Variants in TEC observed in about 807,000 individuals in gnomAD.
TEC encodes the protein tyrosine-protein kinase Tec.
In TEC, 72 loss-of-function variants were observed where a neutral mutation model predicts 93.0. That is an observed-to-expected ratio of 0.77 (90% CI 0.64 to 0.94). The LOEUF (loss-of-function observed/expected upper bound fraction) is 0.94. Among genes scored for constraint, TEC ranks in the 40% least tolerant of loss-of-function variants. The pLI is 0.00. For synonymous variants in TEC, 249 were observed against 247.7 expected (o/e 1.01, Z -0.05); for missense variants, 630 against 757.9 (o/e 0.83, Z 1.98).
intron 1 of TEC, among the ~76,000 whole-genome samples, chr4:48,231,210 G>T (rs2664020): frequency 6.6e-6 from 1 of 151,834 alleles, no homozygotes; most frequent in South Asian, 2.1e-4. Context: ...CTTTATCCCA[G>T]TCCCAGTGTC....
chr4:48,170,807 T>C (rs1452288153), intron 4 of TEC, among the ~76,000 whole-genome samples: 2 of 152,114 alleles, frequency 1.3e-5, no homozygotes, highest in Non-Finnish European at 2.9e-5. Context: ...TCCCAACACT[T>C]TGGGAGGCCG....
chr4:48,238,914 A>G (rs2109653736), intron 1 of TEC, among the ~76,000 whole-genome samples: 1 of 152,232 alleles, frequency 6.6e-6, no homozygotes. Flanking sequence ...GCATCCCAGC[A>G]TTACTCTGAA....
intron 2 of TEC, among the ~76,000 whole-genome samples, chr4:48,178,448 A>G (rs952135442): frequency 6.6e-6 from 1 of 152,210 alleles, no homozygotes; most frequent in East Asian, 1.9e-4. Context: ...AACACATGTT[A>G]TCTCATTCTG....
chr4:48,156,115 C>T (rs1041743645), intron 9 of TEC, among the ~76,000 whole-genome samples: 1 of 152,146 alleles, frequency 6.6e-6, no homozygotes, highest in African/African-American at 2.4e-5. Context: ...ACAATAACCA[C>T]ACTGGTTATT....
intron 8 of TEC, among the ~76,000 whole-genome samples, chr4:48,157,960 G>C (rs1720470486): frequency 6.6e-6 from 1 of 152,208 alleles, no homozygotes; most frequent in African/African-American, 2.4e-5. Flanking sequence ...TAAGAACATA[G>C]ACAATTTTCT....
intron 1 of TEC, among the ~76,000 whole-genome samples, chr4:48,234,892 A>G (rs1207625658): frequency 6.6e-6 from 1 of 152,200 alleles, no homozygotes; most frequent in Non-Finnish European, 1.5e-5. Context: ...AAGAAGTAGC[A>G]ATGTAAAGCA....
chr4:48,244,484 A>T (rs919276346), intron 1 of TEC, among the ~76,000 whole-genome samples: 3 of 152,206 alleles, frequency 2.0e-5, no homozygotes, highest in African/African-American at 7.2e-5. Flanking sequence ...CAAGAACAGC[A>T]TCGGAAAGAC....
At chr4:48,253,157 T>C (rs1724250916) in intron 1 of TEC, among the ~76,000 whole-genome samples, 1 of 152,216 alleles carries the variant, frequency 6.6e-6, no homozygotes, top group Non-Finnish European at 1.5e-5. Context: ...AAGTCATTTT[T>C]ACTATCATGA....
At chr4:48,148,766 C>T (rs868256874) in intron 11 of TEC, among the ~76,000 whole-genome samples, 76 of 152,302 alleles carry the variant, frequency 5.0e-4, no homozygotes, top group African/African-American at 1.8e-3. Context: ...ATTATTTCAT[C>T]ACCCAGGTAT....
At chr4:48,151,035 GATT>G (rs1161883264) in intron 9 of TEC, 93 bp from the exon 10 acceptor site, 1 of 814,994 alleles carries the variant, frequency 1.2e-6, no homozygotes, top group African/African-American at 1.8e-5. Context: ...ATAATTTTAT[GATT>G]ATTATTCTTT....
At chr4:48,200,324 T>A (rs907103618) in intron 2 of TEC, among the ~76,000 whole-genome samples, 3 of 152,198 alleles carry the variant, frequency 2.0e-5, no homozygotes, top group Non-Finnish European at 4.4e-5. Flanking sequence ...GTGGACAGGC[T>A]GGCAGGCTGC....
rs547333900 is a variant in TEC at position 48,223,788 on chromosome 4, T to C, written c.138+4689A>G. 7.2e-5 allele frequency among the ~76,000 whole-genome samples: 11 copies of C among 152,326 alleles called. No individual in the cohort carries two copies. In the South Asian group the frequency reaches 2.1e-3, roughly 29 times the overall value. ...CCAACACTGATGAGGTGGCTCACTG[T>C]ACCTAAACTGTACAATGCAGTTCAT... is the stretch of plus-strand genomic sequence containing the variant. On this transcript the variant is annotated intron_variant, in intron 2 of 17. Transcript: ENST00000381501.
chr4:48,234,697 A>G (rs1435943472), intron 1 of TEC, among the ~76,000 whole-genome samples: 1 of 152,228 alleles, frequency 6.6e-6, no homozygotes, highest in African/African-American at 2.4e-5. Flanking sequence ...GGTAAACAAT[A>G]GTGATAATCT....
intron 1 of TEC, among the ~76,000 whole-genome samples, chr4:48,262,560 T>G (rs954329386): frequency 7.9e-5 from 12 of 152,122 alleles, no homozygotes; most frequent in Non-Finnish European, 1.6e-4. Context: ...TTCAGTATAT[T>G]AAGTACTTGC....
intron 8 of TEC, among the ~76,000 whole-genome samples, chr4:48,158,595 T>G (rs1720494357): frequency 6.6e-6 from 1 of 152,192 alleles, no homozygotes; most frequent in African/African-American, 2.4e-5. Context: ...TAGCAGGATT[T>G]GAGAGACTGA....
intron 3 of TEC, among the ~76,000 whole-genome samples, chr4:48,171,969 C>T (rs1721132135): frequency 6.6e-6 from 1 of 152,290 alleles, no homozygotes; most frequent in African/African-American, 2.4e-5. Context: ...AAAGGCCTAC[C>T]CAGGCCCCCA....
chr4:48,267,861 C>G (rs1219202190), intron 1 of TEC, among the ~76,000 whole-genome samples: 1 of 152,216 alleles, frequency 6.6e-6, no homozygotes, highest in African/African-American at 2.4e-5. Flanking sequence ...GGAGCTGGAA[C>G]AGCTGGGGCA....
At chr4:48,250,701 C>T (rs1340420050) in intron 1 of TEC, among the ~76,000 whole-genome samples, 1 of 152,126 alleles carries the variant, frequency 6.6e-6, no homozygotes, top group Non-Finnish European at 1.5e-5. Context: ...GAGACCATCC[C>T]TATACTAGTT....
At chr4:48,145,604 T>C (rs780474029) in intron 12 of TEC, 25 bp from the exon 13 acceptor site, 1 of 1,610,102 alleles carries the variant, frequency 6.2e-7, no homozygotes, top group Non-Finnish European at 8.5e-7. Flanking sequence ...GTGAAAGTGT[T>C]CATATTTAAA....
Sources: allele counts gnomAD v4.1 joint callset (sites outside exome capture counted in the v4.1 genomes callset), GRCh38; gene constraint gnomAD v4.1.1; transcripts MANE v1.5; gene names NCBI Gene and HGNC (gene_info 2026-07-23, HGNC 2026-07-21).